The following PDE7B variants were observed in gnomAD, a reference collection of about 807,000 sequenced individuals.
The protein encoded by PDE7B is phosphodiesterase 7B, also known as 3',5'-cyclic-AMP phosphodiesterase 7B.
Under a neutral mutation model 56.2 loss-of-function variants are expected in PDE7B, and 29 were observed. The ratio of observed to expected loss-of-function variants is 0.52; its 90% CI spans 0.38 to 0.70. The LOEUF (loss-of-function observed/expected upper bound fraction) is 0.70. Ranked by LOEUF, PDE7B falls within the 30% of genes least tolerant of loss-of-function variation. The pLI, the probability that PDE7B is intolerant of heterozygous loss-of-function variation, is 0.00. For synonymous variants in PDE7B, 197 were observed against 196.9 expected (o/e 1.00, Z 0.00); for missense variants, 490 against 565.0 (o/e 0.87, Z 1.35).
intron 2 of PDE7B, among the ~76,000 whole-genome samples, chr6:136,091,196 G>T (rs1273816573): frequency 6.6e-6 from 1 of 152,112 alleles, no homozygotes; most frequent in Non-Finnish European, 1.5e-5. Flanking sequence ...TAAAAAATAT[G>T]CCCAGATTCA....
chr6:135,989,021 C>A (rs1435034222), intron 2 of PDE7B, among the ~76,000 whole-genome samples: 1 of 152,226 alleles, frequency 6.6e-6, no homozygotes, highest in Admixed American at 6.5e-5. Flanking sequence ...CTATAGTCCA[C>A]TGTCTCTTTT....
intron 2 of PDE7B, among the ~76,000 whole-genome samples, chr6:136,033,553 T>G (rs1045417581): frequency 3.4e-4 from 51 of 152,054 alleles, no homozygotes; most frequent in African/African-American, 1.2e-3. Context: ...AACAAGAGAA[T>G]GATTGGGTAT....
intron 3 of PDE7B, among the ~76,000 whole-genome samples, chr6:136,129,780 G>A (rs1562500175): frequency 6.6e-6 from 1 of 152,202 alleles, no homozygotes; most frequent in African/African-American, 2.4e-5. Context: ...TAAAATGCTA[G>A]GTCTCCACCT....
intron 2 of PDE7B, among the ~76,000 whole-genome samples, chr6:136,036,310 A>G (rs956318961): frequency 6.6e-6 from 1 of 152,182 alleles, no homozygotes; most frequent in African/African-American, 2.4e-5. Context: ...ATTGTGTTGT[A>G]TGTATATCTG....
At chr6:135,907,802 C>T (rs949892557) in intron 1 of PDE7B, among the ~76,000 whole-genome samples, 1 of 151,728 alleles carries the variant, frequency 6.6e-6, no homozygotes, top group Non-Finnish European at 1.5e-5. Flanking sequence ...TTGAAGAAAA[C>T]CTTAATAAAG....
chr6:135,942,543 T>C (rs1774523031), intron 1 of PDE7B, among the ~76,000 whole-genome samples: 1 of 152,140 alleles, frequency 6.6e-6, no homozygotes, highest in Non-Finnish European at 1.5e-5. Context: ...ATACAATACA[T>C]TGTCATTACT....
chr6:136,179,496 C>A (rs1290774940), intron 10 of PDE7B, among the ~76,000 whole-genome samples: 1 of 152,148 alleles, frequency 6.6e-6, no homozygotes, highest in Non-Finnish European at 1.5e-5. Flanking sequence ...AAGTGGTTCC[C>A]AACTAAGCAA....
At chr6:135,918,230 G>C (rs957171576) in intron 1 of PDE7B, among the ~76,000 whole-genome samples, 9 of 152,132 alleles carry the variant, frequency 5.9e-5, no homozygotes, top group Admixed American at 3.9e-4. Context: ...TAGACAGAGA[G>C]CTGGGGCAAC....
rs1203378470 is a variant in PDE7B, at chr6:135,909,061, A to G, written c.22-38403A>G. 2.0e-5 allele frequency among the ~76,000 whole-genome samples: 3 copies of G among 152,340 alleles called. No homozygotes were observed. In the East Asian group the frequency reaches 5.8e-4, roughly 29 times the overall value. On this transcript the variant is annotated intron_variant, in intron 1 of 12. Coordinates refer to ENST00000308191, the MANE Select transcript of PDE7B (RefSeq NM_018945.4). The stretch of plus-strand genomic sequence containing the variant: ...AACTTTGGATCTTATGTTAGTTATG[A>G]CAATATTTGAGAATTCAGTTATGTT...
intron 8 of PDE7B, among the ~76,000 whole-genome samples, chr6:136,169,157 T>C (rs1377701730): frequency 6.6e-6 from 1 of 152,130 alleles, no homozygotes; most frequent in African/African-American, 2.4e-5. Context: ...ATGTGAGATT[T>C]AGATGAGGGC....
intron 2 of PDE7B, among the ~76,000 whole-genome samples, chr6:136,103,430 A>G (rs1234101493): frequency 1.3e-5 from 2 of 152,204 alleles, no homozygotes; most frequent in Non-Finnish European, 2.9e-5. Context: ...GAAATCGTTC[A>G]CTTAGTTAAT....
chr6:136,099,112 T>C (rs542221800), intron 2 of PDE7B, among the ~76,000 whole-genome samples: 5 of 152,264 alleles, frequency 3.3e-5, no homozygotes, highest in Admixed American at 2.6e-4. Context: ...AACTTATCCT[T>C]TTTTATGGCT....
intron 2 of PDE7B, among the ~76,000 whole-genome samples, chr6:136,004,211 T>C (rs536741804): frequency 0.013 from 2,027 of 152,276 alleles, 54 homozygotes; most frequent in African/African-American, 0.045. Flanking sequence ...CTCAAAATAG[T>C]AAGAGCTATC....
Position 135,939,891 on chromosome 6 carries a change from C to T in PDE7B, c.22-7573C>T, listed in dbSNP as rs1384271403. ...CTCAAATGGGCAAAATGATGGCAGC[C>T]GGTATCACTGGTGAGAGACATCTGG... On this transcript the variant is annotated intron_variant, in intron 1 of 12. Coordinates refer to ENST00000308191, the MANE Select transcript of PDE7B (RefSeq NM_018945.4). Among the ~76,000 whole-genome samples, 8 of 152,182 alleles carry T rather than the reference C, an allele frequency of 5.3e-5. No individual in the cohort carries two copies. In the East Asian group the frequency reaches 5.8e-4, roughly 11 times the overall value.
intron 1 of PDE7B, among the ~76,000 whole-genome samples, chr6:135,896,283 C>T (rs900591124): frequency 1.3e-5 from 2 of 152,218 alleles, no homozygotes; most frequent in Non-Finnish European, 2.9e-5. Context: ...TTCCTATGAA[C>T]TTGTTCATAC....
intron 1 of PDE7B, among the ~76,000 whole-genome samples, chr6:135,934,397 A>G (rs1774352098): frequency 1.3e-5 from 2 of 152,166 alleles, no homozygotes; most frequent in Non-Finnish European, 2.9e-5. Flanking sequence ...TAATTTTGGT[A>G]ATATTTGTCA....
chr6:135,939,448 C>T (rs754206241), intron 1 of PDE7B, among the ~76,000 whole-genome samples: 2 of 152,132 alleles, frequency 1.3e-5, no homozygotes, highest in Non-Finnish European at 1.5e-5. Flanking sequence ...TAACAGCCTG[C>T]AATGGGATAG....
chr6:135,852,434 A>G (rs548425399), intron 1 of PDE7B, among the ~76,000 whole-genome samples: 4 of 152,210 alleles, frequency 2.6e-5, no homozygotes, highest in Non-Finnish European at 5.9e-5. Context: ...TTTGTGGAAC[A>G]GGGAAGAAGG....
intron 2 of PDE7B, among the ~76,000 whole-genome samples, chr6:136,049,972 C>A (rs1484319224): frequency 3.3e-5 from 5 of 151,798 alleles, no homozygotes; most frequent in Admixed American, 1.3e-4. Context: ...AGCTGAGACT[C>A]CACAGAAGTT....
Sources: gnomAD v4.1 joint callset for allele counts (sites outside exome capture counted in the v4.1 genomes callset) on GRCh38, gnomAD v4.1.1 for gene constraint, MANE v1.5 for transcripts, NCBI Gene and HGNC (gene_info 2026-07-23, HGNC 2026-07-21) for gene names.